Variants in CSMD1 observed in about 807,000 individuals in gnomAD.
CSMD1 encodes the protein CUB and sushi domain-containing protein 1.
CSMD1 carries 213 observed loss-of-function variants against 417.5 expected under a neutral mutation model. That is an observed-to-expected ratio of 0.51 (90% confidence interval 0.46 to 0.57). CSMD1 has a LOEUF of 0.57. CSMD1 is among the 20% of genes least tolerant of loss of function. The probability of loss-of-function intolerance (pLI) is 0.00; values close to 1 mark genes in which losing one functional copy is unlikely to be tolerated. For missense variants in CSMD1, 6,923 were observed against 4,529.7 expected (o/e 1.53, Z -15.17); for synonymous variants, 2,862 against 1,736.8 (o/e 1.65, Z -16.11).
chr8:3,748,475 G>T (rs577134181), intron 6 of CSMD1, among the ~76,000 whole-genome samples: 12 of 152,244 alleles, frequency 7.9e-5, no homozygotes, highest in African/African-American at 2.2e-4. Context: ...ACCTTGAGGG[G>T]AATAGGAGCA....
Position 3,181,190 on chromosome 8 carries a change from T to C in CSMD1, c.5645A>G (p.Asn1882Ser). Reference sequence around the variant, plus strand: ...CAGGTAGAGTTGGTTGGAAGTACTGTTCAGCAGTGCCGGTACTGTGGTGCC... The same window carrying C: ...CAGGTAGAGTTGGTTGGAAGTACTGCTCAGCAGTGCCGGTACTGTGGTGCC... ...FSGTTVPALLNSTSNQLYLHF... is the reference protein window; with the variant it reads ...FSGTTVPALLSSTSNQLYLHF... Residue 1882 changes from asparagine (N) to serine (S), a missense_variant, in exon 37 of 70, where the codon AAC becomes AGC. By Grantham distance (46) the Asn-to-Ser change is conservative. Transcript: ENST00000635120. 3 of 1,613,688 alleles carry C rather than the reference T, an allele frequency of 1.9e-6. No individual in the cohort carries two copies. Among genetic ancestry groups the C allele is most frequent in the Non-Finnish European group, 2.5e-6 (3 of 1,179,684 alleles).
chr8:3,407,147 A>G (rs893848947), intron 14 of CSMD1, among the ~76,000 whole-genome samples: 5 of 146,820 alleles, frequency 3.4e-5, no homozygotes, highest in Admixed American at 1.4e-4. Context: ...GCATGCATGC[A>G]TGGATGGATG....
intron 1 of CSMD1, among the ~76,000 whole-genome samples, chr8:4,978,119 C>A (rs928223785): frequency 1.3e-5 from 2 of 152,130 alleles, no homozygotes; most frequent in Non-Finnish European, 2.9e-5. Context: ...GTAGCCTATT[C>A]CAAAGGTCTC....
chr8:4,444,443 G>T (rs561164537), intron 2 of CSMD1, among the ~76,000 whole-genome samples: 2 of 147,586 alleles, frequency 1.4e-5, no homozygotes, highest in East Asian at 4.0e-4. Context: ...TAGATCAACA[G>T]CATGTGAGAA....
At chr8:3,662,317 A>G (rs1051178288) in intron 7 of CSMD1, among the ~76,000 whole-genome samples, 3 of 152,166 alleles carry the variant, frequency 2.0e-5, no homozygotes, top group Non-Finnish European at 4.4e-5. Context: ...TAAATGTTGT[A>G]AACAGTTAAA....
chr8:4,502,061 T>TA (rs1802286674), intron 2 of CSMD1, among the ~76,000 whole-genome samples: 2 of 152,128 alleles, frequency 1.3e-5, no homozygotes, highest in South Asian at 4.1e-4. Flanking sequence ...ACAAACAAGT[T>TA]AAAAAATTAT....
chr8:3,068,976 A>G (rs1334745009), intron 49 of CSMD1, among the ~76,000 whole-genome samples: 2 of 152,202 alleles, frequency 1.3e-5, no homozygotes, highest in Admixed American at 1.3e-4. Context: ...CCAAAAGTTC[A>G]TAACTCATTC....
chr8:4,208,341 A>G (rs1207979050), intron 3 of CSMD1, among the ~76,000 whole-genome samples: 1 of 152,200 alleles, frequency 6.6e-6, no homozygotes, highest in Non-Finnish European at 1.5e-5. Context: ...GTCTTATTTG[A>G]ATCCTTCCTG....
intron 3 of CSMD1, among the ~76,000 whole-genome samples, chr8:4,256,833 CAG>C (rs1563345588): frequency 1.3e-5 from 2 of 152,210 alleles, no homozygotes. Context: ...GAGCAAAGAA[CAG>C]CTATCCCTCC....
Position 3,817,705 on chromosome 8 carries a change from G to A in CSMD1, c.819-63663C>T, listed in dbSNP as rs113968141. ...ACTTTCCACTTCTCTACTCTCAGAA[G>A]GTATGCTGAGTTTCAGAATAAAGAG... On this transcript the variant is annotated intron_variant, in intron 5 of 69. Transcript: ENST00000635120. Among the ~76,000 whole-genome samples the A allele has an allele frequency of 3.8e-3, 581 of 152,230 alleles. 6 individuals are homozygous for A. Among genetic ancestry groups the A allele is most frequent in the South Asian group, 0.025 (120 of 4,810 alleles).
intron 10 of CSMD1, among the ~76,000 whole-genome samples, chr8:3,496,234 C>T (rs558808425): frequency 8.5e-4 from 129 of 152,328 alleles, no homozygotes; most frequent in South Asian, 3.1e-3. Context: ...CCACTGCCGA[C>T]TCTGTCCAAG....
chr8:3,796,589 A>T (rs1800163642), intron 5 of CSMD1, among the ~76,000 whole-genome samples: 2 of 146,978 alleles, frequency 1.4e-5, no homozygotes, highest in South Asian at 4.2e-4. Context: ...TATAATATAT[A>T]GATATATATC....
chr8:4,662,275 G>A (rs928593097), intron 1 of CSMD1, among the ~76,000 whole-genome samples: 2 of 151,772 alleles, frequency 1.3e-5, no homozygotes, highest in African/African-American at 2.4e-5. Flanking sequence ...TTATTTTGTA[G>A]ACAAATAAGA....
At position 3,293,339 on chromosome 8, in the gene CSMD1, G is replaced by A. The variant is rs564031293; in HGVS notation, c.3951-8993C>T. 1.1e-4 allele frequency among the ~76,000 whole-genome samples: 17 copies of A among 152,106 alleles called. No homozygotes were observed. In the South Asian group the frequency reaches 2.3e-3, roughly 20 times the overall value. On this transcript the variant is annotated intron_variant, in intron 25 of 69. Coordinates refer to ENST00000635120, the MANE Select transcript of CSMD1 (RefSeq NM_033225.6). ...TCTTCTCGAGGAGTATCTTTGTGGCGTTCTCTGGATTTCCTGAATTTGAAT... is the reference window on the plus strand; with the variant it reads ...TCTTCTCGAGGAGTATCTTTGTGGCATTCTCTGGATTTCCTGAATTTGAAT...
intron 52 of CSMD1, among the ~76,000 whole-genome samples, chr8:3,004,554 A>C (rs1403295885): frequency 2.0e-5 from 3 of 152,232 alleles, no homozygotes; most frequent in Non-Finnish European, 4.4e-5. Flanking sequence ...CTGTAAATTC[A>C]TATGATTTTT....
chr8:4,369,482 G>C lies in CSMD1; in HGVS notation c.415+50471C>G, dbSNP rs76264433. On this transcript the variant is annotated intron_variant, in intron 3 of 69. Coordinates refer to ENST00000635120, the MANE Select transcript of CSMD1 (RefSeq NM_033225.6). ...ATAATTAGTCAAGTGTCAAGGTTAA[G>C]TTCAAAATATCTGTTAGTTTTCTGC... 3.4e-4 allele frequency among the ~76,000 whole-genome samples: 52 copies of C among 152,222 alleles called. 2 individuals are homozygous for C. The East Asian group carries it at 9.9e-3, about 29-fold the overall frequency.
intron 3 of CSMD1, among the ~76,000 whole-genome samples, chr8:4,226,281 T>A (rs982476553): frequency 2.0e-5 from 3 of 152,192 alleles, no homozygotes; most frequent in African/African-American, 7.2e-5. Flanking sequence ...ATTTGGGTAT[T>A]TGGATAAAAT....
chr8:3,653,107 C>A (rs537657049), intron 7 of CSMD1, among the ~76,000 whole-genome samples: 6 of 152,146 alleles, frequency 3.9e-5, no homozygotes, highest in African/African-American at 1.2e-4. Flanking sequence ...AGCCTCCATG[C>A]ATATGCTTTA....
At chr8:3,192,788 G>C (rs1796499602) in intron 33 of CSMD1, among the ~76,000 whole-genome samples, 1 of 152,114 alleles carries the variant, frequency 6.6e-6, no homozygotes, top group Non-Finnish European at 1.5e-5. Context: ...GAGTCATGTT[G>C]GTGCTCAAAA....
Sources: gnomAD v4.1 joint callset for allele counts (sites outside exome capture counted in the v4.1 genomes callset) on GRCh38, gnomAD v4.1.1 for gene constraint, MANE v1.5 for transcripts, NCBI Gene and HGNC (gene_info 2026-07-23, HGNC 2026-07-21) for gene names.